MYO16: variants seen among roughly 807,000 people sequenced by gnomAD.
The protein encoded by MYO16 is myosin XVI.
In MYO16, 94 loss-of-function variants were observed where a neutral mutation model predicts 205.3. That is an observed-to-expected ratio of 0.46 (90% CI 0.39 to 0.54). The LOEUF (loss-of-function observed/expected upper bound fraction) is 0.54, where lower values mean the gene tolerates loss of function less well. MYO16 is among the 20% of genes least tolerant of loss of function. The probability of loss-of-function intolerance (pLI) is 0.00; values close to 1 mark genes in which losing one functional copy is unlikely to be tolerated. For synonymous variants in MYO16, 988 were observed against 954.0 expected (o/e 1.04, Z -0.66); for missense variants, 2,315 against 2,387.5 (o/e 0.97, Z 0.63).
At chr13:108,845,194 A>G (rs1877456995) in intron 10 of MYO16, among the ~76,000 whole-genome samples, 1 of 152,184 alleles carries the variant, frequency 6.6e-6, no homozygotes, top group South Asian at 2.1e-4. Flanking sequence ...TTTTCTAAAG[A>G]TCTTCTTCTT....
At chr13:108,573,030 A>T in the MYO16 span, among the ~76,000 whole-genome samples, 1 of 152,322 alleles carries the variant, frequency 6.6e-6, no homozygotes, top group East Asian at 1.9e-4. Context: ...AGGATGAGAC[A>T]CAAGTCTAAG....
intron 2 of MYO16, among the ~76,000 whole-genome samples, chr13:108,688,740 G>T (rs1882778929): frequency 6.6e-6 from 1 of 152,164 alleles, no homozygotes; most frequent in African/African-American, 2.4e-5. Context: ...ATGGGTTAAA[G>T]AATACACAGT....
intron 4 of MYO16, among the ~76,000 whole-genome samples, chr13:108,764,403 A>C (rs933534751): frequency 6.6e-6 from 1 of 151,818 alleles, no homozygotes; most frequent in African/African-American, 2.4e-5. Flanking sequence ...CTCAGAGCAG[A>C]TATAGAGTGT....
chr13:108,572,679 G>T, the MYO16 span, among the ~76,000 whole-genome samples: 3 of 152,124 alleles, frequency 2.0e-5, no homozygotes, highest in South Asian at 6.2e-4. Flanking sequence ...TGTGACATAG[G>T]TTACTGAAAA....
intron 4 of MYO16, among the ~76,000 whole-genome samples, chr13:108,751,918 G>A (rs1308313884): frequency 6.6e-6 from 1 of 152,156 alleles, no homozygotes; most frequent in East Asian, 1.9e-4. Flanking sequence ...ATAGGACTAA[G>A]AGATGTAATG....
chr13:108,859,285 G>A (rs1232304992), intron 11 of MYO16, among the ~76,000 whole-genome samples: 2 of 152,152 alleles, frequency 1.3e-5, no homozygotes, highest in Non-Finnish European at 2.9e-5. Flanking sequence ...CCCATAATAG[G>A]TTCCCAATAA....
intron 4 of MYO16, among the ~76,000 whole-genome samples, chr13:108,742,613 C>A (rs1431740231): frequency 5.9e-5 from 9 of 152,196 alleles, no homozygotes; most frequent in South Asian, 2.1e-4. Context: ...TTTAAAAAAA[C>A]AATTCCAAGG....
chr13:108,943,847 A>G (rs551377540), intron 16 of MYO16, among the ~76,000 whole-genome samples: 3 of 152,132 alleles, frequency 2.0e-5, no homozygotes, highest in Admixed American at 2.0e-4. Context: ...GGCCTCCCAG[A>G]GTGCTGGGAT....
At chr13:108,741,162 C>T (rs958400943) in intron 4 of MYO16, among the ~76,000 whole-genome samples, 7 of 152,138 alleles carry the variant, frequency 4.6e-5, no homozygotes, top group Non-Finnish European at 8.8e-5. Context: ...ATCCGACACG[C>T]CCCAGTGAGA....
intron 27 of MYO16, among the ~76,000 whole-genome samples, chr13:109,063,850 G>A (rs183921500): frequency 7.6e-4 from 116 of 152,242 alleles, no homozygotes; most frequent in Admixed American, 1.2e-3. Flanking sequence ...TTGAGGCATC[G>A]TATGTGTCAA....
chr13:108,985,819 A>G (rs913294116), intron 20 of MYO16, among the ~76,000 whole-genome samples: 1 of 152,222 alleles, frequency 6.6e-6, no homozygotes, highest in Non-Finnish European at 1.5e-5. Flanking sequence ...CTAATAATCT[A>G]TCACAGTGCA....
At chr13:108,855,683 A>C (rs1878133334) in intron 11 of MYO16, 130 bp downstream of exon 11, 2 of 601,146 alleles carry the variant, frequency 3.3e-6, no homozygotes, top group Non-Finnish European at 5.6e-6. Context: ...GCTGAAGTTG[A>C]ATTTCTTAAG....
chr13:108,595,135 G>C (rs1878510028), upstream of MYO16, among the ~76,000 whole-genome samples: 1 of 152,102 alleles, frequency 6.6e-6, no homozygotes, highest in Non-Finnish European at 1.5e-5. Flanking sequence ...TGACTTCTGT[G>C]GTGAGTACAT....
At position 108,703,643 on chromosome 13, in the gene MYO16, C is replaced by T. The variant is rs187037362; in HGVS notation, c.293-9018C>T. ...ATGAAACATTCTCCAGGACAGACCA[C>T]ATGCAAAGCCATAAAACAAGTGCCA... is the stretch of plus-strand genomic sequence containing the variant. On this transcript the variant is annotated intron_variant, in intron 2 of 34. Transcript: ENST00000457511. 3.3e-3 allele frequency among the ~76,000 whole-genome samples: 508 copies of T among 152,146 alleles called. 3 individuals are homozygous for T. Among genetic ancestry groups the T allele is most frequent in the Non-Finnish European group, 3.9e-3 (262 of 67,992 alleles).
In MYO16 at chr13:108,766,998, AT is replaced by A. The variant is rs1454222103; in HGVS notation, c.508-18636del. ...GCCTGGAAATAGATAAATTGAATAC[AT>A]GTTTTGAAGATGTCTTTCAGAGGTA... On this transcript the variant is annotated intron_variant, in intron 4 of 34. Coordinates refer to ENST00000457511, the MANE Select transcript of MYO16 (RefSeq NM_001198950.3). 2.6e-5 allele frequency among the ~76,000 whole-genome samples: 4 copies of A among 152,320 alleles called. No individual in the cohort carries two copies. The East Asian group carries it at 7.7e-4, about 29-fold the overall frequency.
the MYO16 span, among the ~76,000 whole-genome samples, chr13:108,532,650 G>T: frequency 2.9e-4 from 44 of 151,968 alleles, no homozygotes; most frequent in Non-Finnish European, 5.3e-4. Flanking sequence ...AATTATCTGG[G>T]CATGGTGGCA....
intron 15 of MYO16, among the ~76,000 whole-genome samples, chr13:108,907,085 A>G (rs1462821142): frequency 1.3e-5 from 2 of 152,174 alleles, no homozygotes; most frequent in Admixed American, 6.5e-5. Context: ...TGTACCCATA[A>G]CTAGATGGGT....
At chr13:108,519,011 A>G in the MYO16 span, among the ~76,000 whole-genome samples, 3 of 152,354 alleles carry the variant, frequency 2.0e-5, no homozygotes, top group African/African-American at 7.2e-5. Flanking sequence ...TTTCAAAAGA[A>G]TAGAGACACC....
intron 3 of MYO16, among the ~76,000 whole-genome samples, chr13:108,720,612 T>G (rs1467166708): frequency 1.3e-5 from 2 of 152,198 alleles, no homozygotes; most frequent in African/African-American, 2.4e-5. Flanking sequence ...CTGGTAGAAC[T>G]GTGCCTGGCA....
Sources: gnomAD v4.1 joint callset for allele counts (sites outside exome capture counted in the v4.1 genomes callset) on GRCh38, gnomAD v4.1.1 for gene constraint, MANE v1.5 for transcripts, NCBI Gene and HGNC (gene_info 2026-07-23, HGNC 2026-07-21) for gene names.